DZIP1L: variants seen among roughly 807,000 people sequenced by gnomAD.
DZIP1L encodes DAZ interacting zinc finger protein 1 like, also known as cilium assembly protein DZIP1L.
Under a neutral mutation model 88.7 loss-of-function variants are expected in DZIP1L, and 90 were observed. The observed-to-expected ratio is 1.02, with a 90% CI of 0.86 to 1.21. The LOEUF is 1.21. DZIP1L is among the 50% of genes most tolerant of loss of function. DZIP1L has a pLI of 0.00. For synonymous variants in DZIP1L, 363 were observed against 372.1 expected, an observed-to-expected ratio of 0.98 and a Z score of 0.28; for missense variants, 932 against 955.8, an observed-to-expected ratio of 0.98 and a Z score of 0.33.
At chr3:138,075,180 G>T (rs570290513) in intron 11 of DZIP1L, among the ~76,000 whole-genome samples, 1 of 152,332 alleles carries the variant, frequency 6.6e-6, no homozygotes, top group African/African-American at 2.4e-5. Flanking sequence ...CCGAAGAAAT[G>T]AGATAGACAG....
intron 1 of DZIP1L, among the ~76,000 whole-genome samples, chr3:138,106,894 G>C (rs1002652256): frequency 6.6e-6 from 1 of 151,616 alleles, no homozygotes; most frequent in South Asian, 2.1e-4. Context: ...GAAAGAGAGA[G>C]AGAGAAGGGC....
chr3:138,110,772 C>T (rs1244501862), intron 1 of DZIP1L, among the ~76,000 whole-genome samples: 1 of 152,214 alleles, frequency 6.6e-6, no homozygotes, highest in African/African-American at 2.4e-5. Flanking sequence ...AGTGCTAAGG[C>T]TTTACATGTA....
intron 11 of DZIP1L, among the ~76,000 whole-genome samples, chr3:138,073,473 T>C (rs182297639): frequency 2.0e-5 from 3 of 152,006 alleles, no homozygotes; most frequent in Admixed American, 1.3e-4. Flanking sequence ...AAACAATCAC[T>C]ACAGTTCAGC....
chr3:138,111,439 A>G (rs1313436815), intron 1 of DZIP1L, among the ~76,000 whole-genome samples: 1 of 152,196 alleles, frequency 6.6e-6, no homozygotes, highest in East Asian at 1.9e-4. Context: ...AATCAGGCAT[A>G]TCAATGAGAA....
chr3:138,094,718 A>G (rs992971822), intron 4 of DZIP1L, 144 bp downstream of exon 4: 2 of 1,316,578 alleles, frequency 1.5e-6, no homozygotes, highest in South Asian at 2.9e-5. Flanking sequence ...ATCATTTGCC[A>G]TGTCCAAGAA....
chr3:138,078,802 C>G (rs1418767895), intron 10 of DZIP1L, among the ~76,000 whole-genome samples: 1 of 152,220 alleles, frequency 6.6e-6, no homozygotes, highest in Non-Finnish European at 1.5e-5. Flanking sequence ...TTGGAATCAC[C>G]TGCGGAGCTT....
At chr3:138,075,913 C>T (rs778009393) in intron 11 of DZIP1L, among the ~76,000 whole-genome samples, 8 of 151,908 alleles carry the variant, frequency 5.3e-5, no homozygotes, top group Non-Finnish European at 8.8e-5. Context: ...GAGCCGAGAT[C>T]GCACCACTGC....
intron 14 of DZIP1L, among the ~76,000 whole-genome samples, chr3:138,065,277 C>T (rs556709096): frequency 6.6e-6 from 1 of 152,186 alleles, no homozygotes; most frequent in Non-Finnish European, 1.5e-5. Context: ...GTATGAACCT[C>T]AGGAATGACC....
intron 10 of DZIP1L, 31 bp from the exon 11 acceptor site, chr3:138,077,663 C>T (rs1284103898): frequency 6.2e-7 from 1 of 1,611,578 alleles, no homozygotes; most frequent in South Asian, 1.1e-5. Context: ...CCAGATCAGC[C>T]TGGGCACCTG....
intron 7 of DZIP1L, among the ~76,000 whole-genome samples, chr3:138,084,878 T>C (rs57342874): frequency 0.026 from 3,890 of 152,342 alleles, 157 homozygotes; most frequent in African/African-American, 0.088. Context: ...GTTTATTAAA[T>C]AGGAAATCCT....
intron 2 of DZIP1L, chr3:138,101,686 G>T: frequency 1.2e-6 from 1 of 805,018 alleles, no homozygotes; most frequent in Non-Finnish European, 2.2e-6. Flanking sequence ...ATAGCCGCTG[G>T]TGGTCTTTGT....
At chr3:138,090,287 G>T (rs1944146557) in intron 5 of DZIP1L, among the ~76,000 whole-genome samples, 1 of 152,122 alleles carries the variant, frequency 6.6e-6, no homozygotes, top group South Asian at 2.1e-4. Context: ...ATAATTTTCT[G>T]ACCAAAAGTA....
chr3:138,089,879 T>A, intron 5 of DZIP1L, among the ~76,000 whole-genome samples: 1 of 152,118 alleles, frequency 6.6e-6, no homozygotes, highest in East Asian at 1.9e-4. Context: ...CCAAGCGCAG[T>A]GACTCAAGCC....
rs1944050920 is a variant in DZIP1L, at chr3:138,088,449, T to C, written c.929A>G (p.Asp310Gly). ...CCGAAGCCACTCCTCTGACTCCTCATCTCGCAGTGATCCCAGCTTGGACTC... is the reference window on the plus strand; with the variant it reads ...CCGAAGCCACTCCTCTGACTCCTCACCTCGCAGTGATCCCAGCTTGGACTC... ...VMESKLGSLRDEESEEWLRQA... is the reference protein window; with the variant it reads ...VMESKLGSLRGEESEEWLRQA... The change falls in exon 6 of 16, where the codon GAT (aspartate) becomes GGT (glycine). Residue 310 changes from aspartate (D) to glycine (G), a missense_variant. Asp to Gly is a moderately conservative substitution (Grantham distance 94). Transcript: ENST00000327532. The C allele has an allele frequency of 1.2e-6, 2 of 1,614,028 alleles. No homozygotes were observed. The highest frequency in any genetic ancestry group is 1.7e-6 in the Non-Finnish European group (2 of 1,179,974).
chr3:138,080,747 T>C, intron 9 of DZIP1L, 127 bp from the exon 10 acceptor site: 1 of 866,272 alleles, frequency 1.2e-6, no homozygotes. Context: ...GCATCTTGAC[T>C]GGAGAGAGGC....
intron 1 of DZIP1L, among the ~76,000 whole-genome samples, chr3:138,106,916 G>C (rs1430797445): frequency 6.6e-6 from 1 of 151,754 alleles, no homozygotes; most frequent in Non-Finnish European, 1.5e-5. Flanking sequence ...TCCAGGAACA[G>C]CCCCTGACCC....
chr3:138,073,340 G>A (rs1413644357), intron 11 of DZIP1L, among the ~76,000 whole-genome samples: 5 of 152,188 alleles, frequency 3.3e-5, no homozygotes, highest in Non-Finnish European at 5.9e-5. Flanking sequence ...CTCCACTGGA[G>A]CAGGTGCTGG....
At chr3:138,082,881 G>A (rs754566396) in intron 8 of DZIP1L, among the ~76,000 whole-genome samples, 2 of 152,192 alleles carry the variant, frequency 1.3e-5, no homozygotes, top group Non-Finnish European at 2.9e-5. Context: ...GCCAAATATG[G>A]TTGTATGGTT....
chr3:138,080,162 A>G (rs1943581527), intron 10 of DZIP1L, among the ~76,000 whole-genome samples: 1 of 152,098 alleles, frequency 6.6e-6, no homozygotes, highest in Non-Finnish European at 1.5e-5. Context: ...TCTGCAGCAC[A>G]CTCACAATGT....
Sources: gnomAD v4.1 joint callset for allele counts (sites outside exome capture counted in the v4.1 genomes callset) on GRCh38, gnomAD v4.1.1 for gene constraint, MANE v1.5 for transcripts, NCBI Gene and HGNC (gene_info 2026-07-23, HGNC 2026-07-21) for gene names.